The following HS6ST3 variants were observed in gnomAD, a reference collection of about 807,000 sequenced individuals.
HS6ST3 encodes the protein heparan sulfate 6-O-sulfotransferase 3, also known as heparan-sulfate 6-O-sulfotransferase 3.
HS6ST3 carries 12 observed loss-of-function variants against 36.7 expected under a neutral mutation model. The observed-to-expected ratio is 0.33, with a 90% confidence interval of 0.21 to 0.53. The LOEUF is 0.53. Among genes scored for constraint, HS6ST3 ranks in the 20% least tolerant of loss-of-function variants. The pLI, the probability that HS6ST3 is intolerant of heterozygous loss-of-function variation, is 0.95. For synonymous variants in HS6ST3, 240 were observed against 257.5 expected (o/e 0.93, Z 0.65); for missense variants, 584 against 640.9 (o/e 0.91, Z 0.96).
intron 1 of HS6ST3, among the ~76,000 whole-genome samples, chr13:96,823,219 T>C (rs1304131649): frequency 6.6e-6 from 1 of 152,230 alleles, no homozygotes; most frequent in East Asian, 1.9e-4. Context: ...ATTTTGACAA[T>C]GAAACAGGAG....
chr13:96,147,385 C>T (rs1265336104), intron 1 of HS6ST3, among the ~76,000 whole-genome samples: 3 of 152,174 alleles, frequency 2.0e-5, no homozygotes, highest in Admixed American at 6.6e-5. Flanking sequence ...GATAAGAAGT[C>T]GTAATGAAAC....
intron 1 of HS6ST3, among the ~76,000 whole-genome samples, chr13:96,607,270 GC>G (rs2056442440): frequency 1.3e-5 from 2 of 152,132 alleles, no homozygotes; most frequent in Admixed American, 6.5e-5. Context: ...CAGCATCAAT[GC>G]TTTATACCAA....
intron 1 of HS6ST3, among the ~76,000 whole-genome samples, chr13:96,216,074 C>G (rs1185156781): frequency 2.0e-5 from 3 of 152,180 alleles, no homozygotes; most frequent in Non-Finnish European, 4.4e-5. Flanking sequence ...TCTTTAACAT[C>G]TGTGTTTCTC....
rs140924410 is a variant in HS6ST3, at chr13:96,800,565, C to T, written c.708-31925C>T. ...GGGGCAAGGTAAAAAATATATAAGA[C>T]TTTTCCATTTCTGGGAAATTCTTTA... On this transcript the variant is annotated intron_variant, in intron 1 of 1. Coordinates refer to ENST00000376705, the MANE Select transcript of HS6ST3 (RefSeq NM_153456.4). 1.1e-4 allele frequency among the ~76,000 whole-genome samples: 17 copies of T among 152,196 alleles called. No individual in the cohort carries two copies. In the East Asian group the frequency reaches 3.3e-3, roughly 30 times the overall value.
At chr13:96,429,277 G>A (rs1344856167) in intron 1 of HS6ST3, among the ~76,000 whole-genome samples, 1 of 152,094 alleles carries the variant, frequency 6.6e-6, no homozygotes, top group Non-Finnish European at 1.5e-5. Context: ...TAGAAACAGT[G>A]GTTAAATACC....
At chr13:96,270,635 G>A (rs978827678) in intron 1 of HS6ST3, among the ~76,000 whole-genome samples, 5 of 151,860 alleles carry the variant, frequency 3.3e-5, no homozygotes, top group African/African-American at 9.7e-5. Context: ...GTTGTGCTGG[G>A]CATCTGGAAG....
At chr13:96,285,861 C>T (rs879281007) in intron 1 of HS6ST3, among the ~76,000 whole-genome samples, 4 of 151,534 alleles carry the variant, frequency 2.6e-5, no homozygotes, top group Non-Finnish European at 5.9e-5. Flanking sequence ...TTCCTTCTGC[C>T]TCCCTTCCTC....
chr13:96,588,308 T>C (rs2056369543), intron 1 of HS6ST3, among the ~76,000 whole-genome samples: 2 of 152,152 alleles, frequency 1.3e-5, no homozygotes, highest in Non-Finnish European at 2.9e-5. Flanking sequence ...TGTCTTGCTC[T>C]GAATCTTTGA....
intron 1 of HS6ST3, among the ~76,000 whole-genome samples, chr13:96,321,420 T>A (rs140219700): frequency 2.0e-5 from 3 of 152,186 alleles, no homozygotes; most frequent in Admixed American, 1.3e-4. Context: ...CCTCCAGTCT[T>A]CCTCAGCTAG....
chr13:96,394,420 A>G lies in HS6ST3; in HGVS notation c.707+302851A>G, dbSNP rs556041847. On this transcript the variant is annotated intron_variant, in intron 1 of 1. Transcript: ENST00000376705. ...CTTTTTAGACTTCAGCAAGGCATGA[A>G]GTTTGTCCTCCCATCCTCACTCCTG... Among the ~76,000 whole-genome samples the G allele has an allele frequency of 3.8e-4, 58 of 152,248 alleles. No individual in the cohort carries two copies. The South Asian group carries it at 0.011, about 30-fold the overall frequency.
chr13:96,820,409 G>A (rs936436968), intron 1 of HS6ST3, among the ~76,000 whole-genome samples: 2 of 152,190 alleles, frequency 1.3e-5, no homozygotes, highest in African/African-American at 4.8e-5. Context: ...TATATAAATG[G>A]TGAGGCTCTA....
intron 1 of HS6ST3, among the ~76,000 whole-genome samples, chr13:96,689,967 C>T (rs967312205): frequency 9.9e-5 from 15 of 152,022 alleles, no homozygotes; most frequent in African/African-American, 3.4e-4. Flanking sequence ...TTGAAGAAGG[C>T]ACTACGTGTC....
intron 1 of HS6ST3, among the ~76,000 whole-genome samples, chr13:96,693,356 G>A (rs1290972440): frequency 6.6e-6 from 1 of 152,180 alleles, no homozygotes; most frequent in East Asian, 1.9e-4. Context: ...CCAGGCTGGA[G>A]TGCAATGGCG....
At chr13:96,564,835 T>C (rs942422207) in intron 1 of HS6ST3, among the ~76,000 whole-genome samples, 4 of 152,194 alleles carry the variant, frequency 2.6e-5, no homozygotes, top group Admixed American at 2.0e-4. Context: ...ACACTCGTAG[T>C]AACTAAATTT....
At chr13:96,219,033 C>A (rs1594720521) in intron 1 of HS6ST3, among the ~76,000 whole-genome samples, 1 of 152,064 alleles carries the variant, frequency 6.6e-6, no homozygotes, top group Admixed American at 6.6e-5. Context: ...ACGAAGTTGC[C>A]CTTGGGACTA....
chr13:96,728,372 C>A (rs549637767), intron 1 of HS6ST3, among the ~76,000 whole-genome samples: 11 of 152,092 alleles, frequency 7.2e-5, no homozygotes, highest in Non-Finnish European at 1.5e-4. Flanking sequence ...TAGATTAGGG[C>A]AGTTTCCATG....
intron 1 of HS6ST3, among the ~76,000 whole-genome samples, chr13:96,776,372 A>G (rs1213461714): frequency 6.6e-6 from 1 of 152,188 alleles, no homozygotes; most frequent in Non-Finnish European, 1.5e-5. Flanking sequence ...GAGACATGAA[A>G]AAACCTTCCA....
At chr13:96,161,318 T>C (rs1032077514) in intron 1 of HS6ST3, among the ~76,000 whole-genome samples, 3 of 152,098 alleles carry the variant, frequency 2.0e-5, no homozygotes, top group Non-Finnish European at 2.9e-5. Context: ...ATAGGAGAGA[T>C]AGTAGGATCT....
chr13:96,247,037 A>C (rs1327994880), intron 1 of HS6ST3, among the ~76,000 whole-genome samples: 1 of 152,134 alleles, frequency 6.6e-6, no homozygotes, highest in Non-Finnish European at 1.5e-5. Flanking sequence ...TAGATTTTAG[A>C]GAGATTATTT....
Sources: gnomAD v4.1 joint callset for allele counts (sites outside exome capture counted in the v4.1 genomes callset) on GRCh38, gnomAD v4.1.1 for gene constraint, MANE v1.5 for transcripts, NCBI Gene and HGNC (gene_info 2026-07-23, HGNC 2026-07-21) for gene names.